Variants in RELT observed in about 807,000 individuals in gnomAD.
RELT encodes the protein RELT TNF receptor.
RELT carries 37 observed loss-of-function variants against 51.1 expected under a neutral mutation model. That is an observed-to-expected ratio of 0.72 (90% CI 0.56 to 0.95). The LOEUF (loss-of-function observed/expected upper bound fraction) is 0.95. Ranked by LOEUF, RELT falls within the 40% of genes least tolerant of loss-of-function variation. The probability of loss-of-function intolerance (pLI) is 0.00; values close to 1 mark genes in which losing one functional copy is unlikely to be tolerated. For missense variants in RELT, 535 were observed against 572.6 expected, an observed-to-expected ratio of 0.93 and a Z score of 0.67; for synonymous variants, 241 against 235.7, an observed-to-expected ratio of 1.02 and a Z score of -0.21.
chr11:73,383,090 T>G (rs1866073202), intron 1 of RELT, among the ~76,000 whole-genome samples: 1 of 152,044 alleles, frequency 6.6e-6, no homozygotes. Flanking sequence ...TTGCTGAGAG[T>G]GGGCTGGGGA....
intron 1 of RELT, among the ~76,000 whole-genome samples, chr11:73,383,376 C>T (rs772806395): frequency 6.6e-6 from 1 of 152,228 alleles, no homozygotes; most frequent in Non-Finnish European, 1.5e-5. Context: ...TTCACAGCTC[C>T]CTTTCCTGCC....
Position 73,394,446 on chromosome 11 carries a change from C to G in RELT, c.789-31C>G, listed in dbSNP as rs754987302. 1 of 1,609,262 alleles carries G rather than the reference C, an allele frequency of 6.2e-7. No individual in the cohort carries two copies. Among genetic ancestry groups the G allele is most frequent in the Admixed American group, 1.7e-5 (1 of 59,926 alleles). On this transcript the variant is annotated intron_variant, in intron 8 of 10. Transcript: ENST00000064780. This position sits in a 1 kb window ranked among gnomAD's most constrained non-coding sequence, Gnocchi z 4.9. ...TGGGGTCTCCTGCCCCTGGCCTGGCCTATGGCCACTTCTGCCTGTGCCCCC... is the reference window on the plus strand; with the variant it reads ...TGGGGTCTCCTGCCCCTGGCCTGGCGTATGGCCACTTCTGCCTGTGCCCCC...
chr11:73,390,996 T>G, intron 4 of RELT, 75 bp downstream of exon 4: 1 of 1,570,460 alleles, frequency 6.4e-7, no homozygotes, highest in Non-Finnish European at 8.7e-7. Context: ...CCAGCCTTAT[T>G]GTACCCTGAG....
chr11:73,380,509 G>T (rs1180359343), intron 1 of RELT, among the ~76,000 whole-genome samples: 1 of 152,170 alleles, frequency 6.6e-6, no homozygotes, highest in Non-Finnish European at 1.5e-5. Flanking sequence ...TTCCAAGTTG[G>T]TATGGGGGAA....
chr11:73,393,129 G>A (rs2134454114), intron 6 of RELT: 1 of 998,136 alleles, frequency 1.0e-6, no homozygotes, highest in Non-Finnish European at 1.2e-6. Context: ...TCGGCTGTCT[G>A]GGGCTGGCAT....
chr11:73,390,454 T>C (rs1866192303), intron 2 of RELT, 97 bp from the exon 3 acceptor site: 3 of 1,131,604 alleles, frequency 2.7e-6, no homozygotes, highest in Admixed American at 3.4e-5. Context: ...CAGTGGTCCC[T>C]ACCACTGGGG....
Position 73,392,401 on chromosome 11 carries a change from C to T in RELT, c.558C>T (p.Leu186=), listed in dbSNP as rs772005944. 21 of 1,613,666 alleles carry T rather than the reference C, an allele frequency of 1.3e-5. No homozygotes were observed. The South Asian group carries it at 2.2e-4, about 17-fold the overall frequency. Residue 186 remains leucine (L), a synonymous_variant, in exon 6 of 11, where the codon CTC becomes CTT. Transcript: ENST00000064780. ...GLLGILVCNL[L]KRKGYHCTAH... is the part of the protein sequence containing the mutation. ...TGGGCATCCTGGTGTGCAACCTCCT[C>T]AAGCGGAAGGGCTACCACTGCACGG...
intron 1 of RELT, among the ~76,000 whole-genome samples, chr11:73,378,420 C>T (rs753033831): frequency 5.1e-4 from 77 of 152,140 alleles, no homozygotes; most frequent in Non-Finnish European, 9.8e-4. Context: ...CGCAGTGATT[C>T]TGAGATGTAG....
At position 73,394,795 on chromosome 11, in the gene RELT, G is replaced by C. The variant is rs754819013; in HGVS notation, c.1046+61G>C. ...GACGTGACAGCCTGGGGGCCGGGAG[G>C]GGGAGGCAGGGCCCCAGCTTGGGCC... On this transcript the variant is annotated intron_variant, in intron 9 of 10. Coordinates refer to ENST00000064780, the MANE Select transcript of RELT (RefSeq NM_152222.2). The surrounding 1 kb of genome is among the most constrained non-coding windows in gnomAD (Gnocchi z 4.9). The C allele has an allele frequency of 7.0e-6, 11 of 1,562,276 alleles. No homozygotes were observed. The highest frequency in any genetic ancestry group is 2.7e-5 in the African/African-American group (2 of 74,184).
At chr11:73,393,186 G>C (rs924280597) in intron 6 of RELT, 1 of 1,000,606 alleles carries the variant, frequency 1.0e-6, no homozygotes, top group Non-Finnish European at 1.2e-6. Flanking sequence ...TCTGGCGGGG[G>C]CAGGAAGCGG....
Position 73,392,237 on chromosome 11 carries a change from G to A in RELT, c.394G>A (p.Val132Met), listed in dbSNP as rs747424072. ...DEWGRRARRG[V>M]EVAAGASSGG... ...GTGGGGGCGGCGGGCCCGACGTGGC[G>A]TGGAGGTGGCAGCAGGGGCCAGCAG... is the stretch of plus-strand genomic sequence containing the variant. Residue 132 changes from valine to methionine, a missense_variant, in exon 6 of 11, where the codon GTG becomes ATG. Val to Met is a conservative substitution (Grantham distance 21, BLOSUM62 1). Coordinates refer to ENST00000064780, the MANE Select transcript of RELT (RefSeq NM_152222.2). 1.2e-5 allele frequency: 19 copies of A among 1,612,232 alleles called. 1 individual carries two copies. The highest frequency in any genetic ancestry group is 3.3e-5 in the Admixed American group (2 of 59,916).
rs111294854 is a variant in RELT, at chr11:73,394,718, A to T, written c.1030A>T (p.Ile344Phe). The change falls in exon 9 of 11, where the codon ATC (isoleucine) becomes TTC (phenylalanine). Residue 344 changes from isoleucine to phenylalanine, a missense_variant. Transcript: ENST00000064780. This position sits in a 1 kb window ranked among gnomAD's most constrained non-coding sequence, Gnocchi z 4.9. ...AKAGRQGEITILSVGRFRVAR... is the reference protein window; with the variant it reads ...AKAGRQGEITFLSVGRFRVAR... ...GGCAGGGCGTCAGGGCGAGATCACCATCTTGTCTGTGGGCAGGTGAGATGG... is the reference window on the plus strand; with the variant it reads ...GGCAGGGCGTCAGGGCGAGATCACCTTCTTGTCTGTGGGCAGGTGAGATGG... 6.2e-7 allele frequency: 1 copy of T among 1,610,182 alleles called. No individual in the cohort carries two copies.
intron 1 of RELT, among the ~76,000 whole-genome samples, chr11:73,379,406 A>T (rs1866016676): frequency 6.6e-6 from 1 of 152,150 alleles, no homozygotes; most frequent in Non-Finnish European, 1.5e-5. Flanking sequence ...TTGTGACCAC[A>T]GTTGGGACTG....
At position 73,388,648 on chromosome 11, in the gene RELT, G is replaced by A. The variant is rs1590734110; in HGVS notation, c.-25-464G>A. Reference sequence around the variant, plus strand: ...ACCAGCAGGAGTGAAGGCAGAGGCCGGGCATGCTTGCAGACCTGTGAGGAG... The same window carrying A: ...ACCAGCAGGAGTGAAGGCAGAGGCCAGGCATGCTTGCAGACCTGTGAGGAG... On this transcript the variant is annotated intron_variant, in intron 1 of 10. Coordinates refer to ENST00000064780, the MANE Select transcript of RELT (RefSeq NM_152222.2). This position sits in a 1 kb window ranked among gnomAD's most constrained non-coding sequence, Gnocchi z 4.1. Among the ~76,000 whole-genome samples, 1 of 152,234 alleles carries A rather than the reference G, an allele frequency of 6.6e-6. No individual in the cohort carries two copies. The highest frequency in any genetic ancestry group is 6.5e-5 in the Admixed American group (1 of 15,294).
In RELT at chr11:73,389,117, C is replaced by T. The variant is rs1282804129; in HGVS notation, c.-20C>T. The stretch of plus-strand genomic sequence containing the variant: ...CTCCTCTCCATCTGCCCTAGGCCGG[C>T]GACCACCAGGGGCCTGAGGATGAAG... On this transcript the variant is annotated 5_prime_UTR_variant, in exon 2 of 11. Coordinates refer to ENST00000064780, the MANE Select transcript of RELT (RefSeq NM_152222.2). 8.4e-6 allele frequency: 13 copies of T among 1,539,014 alleles called. No individual in the cohort carries two copies. The highest frequency in any genetic ancestry group is 1.9e-4 in the Middle Eastern group (1 of 5,284).
At chr11:73,384,927 G>T (rs1026119386) in intron 1 of RELT, among the ~76,000 whole-genome samples, 1 of 152,164 alleles carries the variant, frequency 6.6e-6, no homozygotes, top group South Asian at 2.1e-4. Flanking sequence ...AGGAAGAGTG[G>T]GTGCTGGCCA....
chr11:73,393,029 G>T, intron 6 of RELT: 2 of 1,000,546 alleles, frequency 2.0e-6, no homozygotes, highest in South Asian at 4.3e-5. Flanking sequence ...CCCCTGCAGG[G>T]CAGGGGCCCA....
Position 73,395,526 on chromosome 11 carries a change from C to G in RELT, c.*35C>G, listed in dbSNP as rs1866305114. On this transcript the variant is annotated 3_prime_UTR_variant, in exon 11 of 11. Transcript: ENST00000064780. ...TAGTCTAAGGACACTGCGGCCCTGC[C>G]CTGGGAGGTTCCGAAGGCTTCCTGG... 1 of 782,360 alleles carries G rather than the reference C, an allele frequency of 1.3e-6. No individual in the cohort carries two copies. The highest frequency in any genetic ancestry group is 2.4e-6 in the Non-Finnish European group (1 of 419,532). The allele number at this position is 782,360 out of a possible 1,614,324, so 48.5% of individuals were successfully genotyped here. A position where few individuals can be genotyped will look rare whatever the true frequency, so the allele number is the denominator to read the frequency against.
At position 73,377,899 on chromosome 11, in the gene RELT, A is replaced by T. The variant is rs564152741; in HGVS notation, c.-26+1400A>T. On this transcript the variant is annotated intron_variant, in intron 1 of 10. Transcript: ENST00000064780. The stretch of plus-strand genomic sequence containing the variant: ...GGCCCAGGGGCTGCACTCAGGGGCT[A>T]CTGATAGGGTTGGAAGCACAGCCTT... Among the ~76,000 whole-genome samples the T allele has an allele frequency of 2.6e-5, 4 of 152,192 alleles. No homozygotes were observed. The East Asian group carries it at 5.8e-4, about 22-fold the overall frequency.
Sources: allele counts gnomAD v4.1 joint callset (sites outside exome capture counted in the v4.1 genomes callset), GRCh38; gene constraint gnomAD v4.1.1; non-coding constraint Gnocchi (gnomAD v3.1); transcripts MANE v1.5; gene names NCBI Gene and HGNC (gene_info 2026-07-23, HGNC 2026-07-21).